Variants in GPC6 observed in about 807,000 individuals in gnomAD.
GPC6 encodes glypican-6.
A neutral mutation model predicts 55.2 loss-of-function variants in GPC6; 14 were observed. That is an observed-to-expected ratio of 0.25 (90% CI 0.17 to 0.40). The LOEUF (loss-of-function observed/expected upper bound fraction) is 0.40. Among genes scored for constraint, GPC6 ranks in the 10% least tolerant of loss-of-function variants. The pLI, the probability that GPC6 is intolerant of heterozygous loss-of-function variation, is 1.00. For synonymous variants in GPC6, 278 were observed against 259.6 expected, an observed-to-expected ratio of 1.07 and a Z score of -0.68; for missense variants, 641 against 708.5, an observed-to-expected ratio of 0.90 and a Z score of 1.08.
chr13:94,383,469 G>T (rs757732911), intron 7 of GPC6, among the ~76,000 whole-genome samples: 44 of 152,274 alleles, frequency 2.9e-4, no homozygotes, highest in Non-Finnish European at 5.0e-4. Flanking sequence ...GGTGGCTCAC[G>T]CCTGTAATCC....
chr13:93,840,351 T>C (rs946833396), intron 3 of GPC6, among the ~76,000 whole-genome samples: 2 of 152,024 alleles, frequency 1.3e-5, no homozygotes, highest in African/African-American at 4.8e-5. Flanking sequence ...CTAGAAGAGA[T>C]GGATAAATTC....
chr13:93,364,974 G>A (rs973826642), intron 1 of GPC6, among the ~76,000 whole-genome samples: 3 of 151,678 alleles, frequency 2.0e-5, no homozygotes, highest in African/African-American at 4.8e-5. Context: ...TCACACTACT[G>A]GTTTTCTAGT....
chr13:94,350,760 A>T (rs1051325099), intron 6 of GPC6, among the ~76,000 whole-genome samples: 17 of 152,160 alleles, frequency 1.1e-4, no homozygotes, highest in Non-Finnish European at 2.5e-4. Flanking sequence ...TTTGTGAAAG[A>T]TGAGGCCCTG....
chr13:94,377,742 C>T (rs943939747), intron 6 of GPC6, among the ~76,000 whole-genome samples: 6 of 152,182 alleles, frequency 3.9e-5, no homozygotes, highest in Non-Finnish European at 5.9e-5. Flanking sequence ...AAGACACATG[C>T]ACACGTATGT....
At chr13:94,056,420 A>T (rs1884135994) in intron 4 of GPC6, among the ~76,000 whole-genome samples, 1 of 152,212 alleles carries the variant, frequency 6.6e-6, no homozygotes, top group Admixed American at 6.5e-5. Flanking sequence ...TTAAGAAATT[A>T]TGCAAGCAAA....
chr13:93,685,260 C>G lies in GPC6; in HGVS notation c.319+139839C>G, dbSNP rs1330836058. Among the ~76,000 whole-genome samples the G allele has an allele frequency of 2.0e-5, 3 of 152,250 alleles. No individual in the cohort carries two copies. The East Asian group carries it at 5.8e-4, about 30-fold the overall frequency. The stretch of plus-strand genomic sequence containing the variant: ...TGAGAGCCAGGAAGCTTTGGCTGTT[C>G]CAGGTAGCAGTGTCAGATGCCAAGA... On this transcript the variant is annotated intron_variant, in intron 2 of 8. Coordinates refer to ENST00000377047, the MANE Select transcript of GPC6 (RefSeq NM_005708.5).
intron 4 of GPC6, among the ~76,000 whole-genome samples, chr13:94,120,875 T>C (rs776525939): frequency 3.3e-5 from 5 of 151,966 alleles, no homozygotes; most frequent in Non-Finnish European, 7.4e-5. Context: ...ATTTAAGGAG[T>C]GCTACCTCCC....
At chr13:94,395,443 T>C (rs1005658642) in intron 7 of GPC6, among the ~76,000 whole-genome samples, 8 of 152,218 alleles carry the variant, frequency 5.3e-5, no homozygotes, top group African/African-American at 1.9e-4. Flanking sequence ...TTAGTGAGCA[T>C]TGTGAAGTCG....
intron 1 of GPC6, among the ~76,000 whole-genome samples, chr13:93,266,031 A>C (rs1470740032): frequency 6.6e-6 from 1 of 152,156 alleles, no homozygotes; most frequent in Non-Finnish European, 1.5e-5. Context: ...GCTGATTGTT[A>C]CCAGCCTACC....
At chr13:94,069,370 C>T (rs544804673) in intron 4 of GPC6, among the ~76,000 whole-genome samples, 22 of 152,150 alleles carry the variant, frequency 1.4e-4, no homozygotes, top group Non-Finnish European at 2.9e-4. Context: ...TTCTCCTAAA[C>T]CTTTGGGCCT....
intron 4 of GPC6, among the ~76,000 whole-genome samples, chr13:94,090,277 T>C (rs1286713436): frequency 1.3e-5 from 2 of 152,102 alleles, no homozygotes; most frequent in African/African-American, 2.4e-5. Context: ...AACCGGCCCC[T>C]GTGATTTAAT....
chr13:93,686,887 C>A (rs779255935), intron 2 of GPC6, among the ~76,000 whole-genome samples: 3 of 151,928 alleles, frequency 2.0e-5, no homozygotes, highest in Non-Finnish European at 4.4e-5. Context: ...AGCAATCAAT[C>A]TTTATATTCT....
intron 2 of GPC6, among the ~76,000 whole-genome samples, chr13:93,595,474 A>G (rs1877684274): frequency 6.6e-6 from 1 of 152,194 alleles, no homozygotes; most frequent in South Asian, 2.1e-4. Flanking sequence ...TACTACTGCA[A>G]CCTAGGCTGT....
At chr13:93,372,325 TG>T (rs5805799) in intron 1 of GPC6, among the ~76,000 whole-genome samples, 111,188 of 151,972 alleles carry the variant, frequency 0.73, 42,612 homozygotes, top group East Asian at 0.97. Context: ...TGCTTGGTCT[TG>T]GCTGTTACAA....
chr13:94,049,673 C>T lies in GPC6; in HGVS notation c.877+21779C>T, dbSNP rs532590687. 9.9e-5 allele frequency among the ~76,000 whole-genome samples: 15 copies of T among 152,194 alleles called. 1 individual carries two copies. The South Asian group carries it at 3.1e-3, about 32-fold the overall frequency. On this transcript the variant is annotated intron_variant, in intron 4 of 8. Transcript: ENST00000377047. ...CACTCAAAATGCACCTTCTTAGTGA[C>T]TCTTTCCCCTGTTACTTGATATAAA...
chr13:94,389,803 C>A (rs1183846446), intron 7 of GPC6, among the ~76,000 whole-genome samples: 1 of 152,194 alleles, frequency 6.6e-6, no homozygotes, highest in East Asian at 1.9e-4. Flanking sequence ...CCCTCTCCCC[C>A]ATAAAACTGA....
At chr13:93,407,013 C>G (rs1200515778) in intron 1 of GPC6, among the ~76,000 whole-genome samples, 1 of 152,074 alleles carries the variant, frequency 6.6e-6, no homozygotes, top group African/African-American at 2.4e-5. Context: ...ATTGGGCACT[C>G]TACGTTAGAT....
intron 1 of GPC6, among the ~76,000 whole-genome samples, chr13:93,443,701 GGT>G (rs1192822208): frequency 1.3e-5 from 2 of 152,160 alleles, no homozygotes; most frequent in Admixed American, 1.3e-4. Context: ...ACAAATAATT[GGT>G]GTTTCTGGGA....
chr13:93,280,387 G>A (rs1309800938), intron 1 of GPC6, among the ~76,000 whole-genome samples: 2 of 152,004 alleles, frequency 1.3e-5, no homozygotes, highest in Admixed American at 6.6e-5. Flanking sequence ...CCTGGTCAGC[G>A]GGGCTCCACA....
Sources: gnomAD v4.1 joint callset for allele counts (sites outside exome capture counted in the v4.1 genomes callset) on GRCh38, gnomAD v4.1.1 for gene constraint, MANE v1.5 for transcripts, NCBI Gene and HGNC (gene_info 2026-07-23, HGNC 2026-07-21) for gene names.